The following ARHGAP40 variants were observed in gnomAD, a reference collection of about 807,000 sequenced individuals.
The protein encoded by ARHGAP40 is rho GTPase-activating protein 40.
Under a neutral mutation model 73.5 loss-of-function variants are expected in ARHGAP40, and 43 were observed. That is an observed-to-expected ratio of 0.58 (90% CI 0.46 to 0.75). The LOEUF is 0.75. Ranked by LOEUF, ARHGAP40 falls within the 30% of genes least tolerant of loss-of-function variation. The probability of loss-of-function intolerance (pLI) is 0.00; values close to 1 mark genes in which losing one functional copy is unlikely to be tolerated. For missense variants in ARHGAP40, 734 were observed against 861.8 expected (o/e 0.85, Z 1.86); for synonymous variants, 300 against 352.8 (o/e 0.85, Z 1.68).
intron 1 of ARHGAP40, among the ~76,000 whole-genome samples, chr20:38,621,883 T>C (rs2088875563): frequency 6.6e-6 from 1 of 152,032 alleles, no homozygotes; most frequent in Non-Finnish European, 1.5e-5. Context: ...GCAAAAACCC[T>C]GTCTCTACAA....
At chr20:38,648,772 C>A in intron 14 of ARHGAP40, 74 bp downstream of exon 14, 1 of 1,226,352 alleles carries the variant, frequency 8.2e-7, no homozygotes, top group Non-Finnish European at 1.1e-6. Flanking sequence ...GCTCACTGGG[C>A]CCTTCTGTGG....
chr20:38,636,919 C>A (rs1321840344), intron 6 of ARHGAP40, among the ~76,000 whole-genome samples: 2 of 151,982 alleles, frequency 1.3e-5, no homozygotes, highest in African/African-American at 4.8e-5. Context: ...AGGAATCTAG[C>A]AGAGGTGGGG....
At chr20:38,639,529 G>A in intron 9 of ARHGAP40, 143 bp downstream of exon 9, 2 of 1,020,414 alleles carry the variant, frequency 2.0e-6, no homozygotes, top group Non-Finnish European at 2.6e-6. Context: ...GGGGGAAGAA[G>A]CAAGTGTGAA....
At position 38,634,775 on chromosome 20, in the gene ARHGAP40, G is replaced by A. The variant is rs1482079865; in HGVS notation, c.939G>A (p.Trp313Ter). Residue 313 changes from tryptophan (W) to a stop codon, truncating the protein, a stop_gained, in exon 6 of 15, where the codon TGG becomes TGA. Coordinates refer to ENST00000373345, the Ensembl canonical transcript of ARHGAP40. LOFTEE classifies it high-confidence loss of function. ...TGAAGAGGAGCAAGGCGGGGAAGTGGAAAGCGGCAGGTGAGCAGCCCCAGC... is the reference window on the plus strand; with the variant it reads ...TGAAGAGGAGCAAGGCGGGGAAGTGAAAAGCGGCAGGTGAGCAGCCCCAGC... 7.8e-7 allele frequency: 1 copy of A among 1,285,594 alleles called. No homozygotes were observed. The highest frequency in any genetic ancestry group is 2.4e-5 in the Admixed American group (1 of 41,918). 79.6% of individuals were successfully genotyped at this position (1,285,594 alleles called of 1,614,324 possible). A position where few individuals can be genotyped will look rare whatever the true frequency, so the allele number is the denominator to read the frequency against.
chr20:38,641,676 A>C, intron 9 of ARHGAP40, 50 bp from the exon 10 acceptor site: 2 of 1,220,744 alleles, frequency 1.6e-6, no homozygotes, highest in Non-Finnish European at 2.2e-6. Context: ...AGACTGAGGG[A>C]GGGAGTCCCT....
At position 38,623,590 on chromosome 20, in the gene ARHGAP40, G is replaced by A. The variant is rs75568666; in HGVS notation, c.337+32G>A. On this transcript the variant is annotated intron_variant, in intron 2 of 14. Transcript: ENST00000373345. ...GACCCTGGCGGGGGCCTATAGGGGT[G>A]GTGGGAGGGCTTGATTCCAGGCAGA... 2,155 of 1,257,588 alleles carry A rather than the reference G, an allele frequency of 1.7e-3. 28 individuals carry two copies. In the African/African-American group the frequency reaches 0.031, roughly 18 times the overall value. 77.9% of individuals were successfully genotyped at this position (1,257,588 alleles called of 1,614,324 possible).
intron 9 of ARHGAP40, among the ~76,000 whole-genome samples, chr20:38,640,778 C>T (rs1192525770): frequency 6.6e-6 from 1 of 152,180 alleles, no homozygotes; most frequent in Non-Finnish European, 1.5e-5. Flanking sequence ...AACCTCCCTC[C>T]ACCCTCATTT....
intron 1 of ARHGAP40, among the ~76,000 whole-genome samples, chr20:38,610,194 C>T (rs1036050075): frequency 1.3e-5 from 2 of 151,976 alleles, no homozygotes; most frequent in African/African-American, 2.4e-5. Context: ...TGTGGTTCTC[C>T]GGAGAGAGGA....
chr20:38,640,224 T>TC (rs1381515247), intron 9 of ARHGAP40, among the ~76,000 whole-genome samples: 4 of 150,802 alleles, frequency 2.7e-5, no homozygotes, highest in African/African-American at 9.7e-5. Context: ...CTTTCTTTTT[T>TC]TTTTTTTTTA....
intron 1 of ARHGAP40, among the ~76,000 whole-genome samples, chr20:38,602,501 G>T (rs559834559): frequency 1.3e-5 from 2 of 152,222 alleles, no homozygotes; most frequent in South Asian, 4.2e-4. Flanking sequence ...GCTGAGAACT[G>T]GTCACCCCTT....
chr20:38,636,038 G>A (rs894363132), intron 6 of ARHGAP40, among the ~76,000 whole-genome samples: 3 of 152,050 alleles, frequency 2.0e-5, no homozygotes, highest in Admixed American at 6.6e-5. Flanking sequence ...AAACTGTACC[G>A]CATTTTAAGC....
At chr20:38,621,594 T>C (rs550822150) in intron 1 of ARHGAP40, among the ~76,000 whole-genome samples, 2 of 152,280 alleles carry the variant, frequency 1.3e-5, no homozygotes, top group East Asian at 1.9e-4. Context: ...TTAGGTTAAA[T>C]ATGCCTGGGG....
chr20:38,647,997 A>G (rs1444406979), intron 13 of ARHGAP40, among the ~76,000 whole-genome samples: 1 of 152,198 alleles, frequency 6.6e-6, no homozygotes, highest in African/African-American at 2.4e-5. Flanking sequence ...GCTGATGTGC[A>G]GCCATCATTC....
chr20:38,611,969 C>T (rs1432111328), intron 1 of ARHGAP40, among the ~76,000 whole-genome samples: 2 of 152,038 alleles, frequency 1.3e-5, no homozygotes, highest in Admixed American at 6.6e-5. Context: ...GATGATCCTC[C>T]TGCCTCAGCC....
rs200630417 is a variant in ARHGAP40, at chr20:38,617,579, ACCTAG to A, written c.138-5779_138-5775del. Among the ~76,000 whole-genome samples, 1,482 of 152,242 alleles carry A rather than the reference ACCTAG, an allele frequency of 9.7e-3. 19 individuals carry two copies. The highest frequency in any genetic ancestry group is 0.033 in the African/African-American group (1,384 of 41,542). On this transcript the variant is annotated intron_variant, in intron 1 of 14. Transcript: ENST00000373345. ...TAGGACCTGCCTCATCTTTCAGGCCACCTAGGGGGAAAGTTCATGTGTGTGGAGAG... is the reference window on the plus strand; with the variant it reads ...TAGGACCTGCCTCATCTTTCAGGCCAGGGGAAAGTTCATGTGTGTGGAGAG...
chr20:38,603,759 T>A (rs1262437269), intron 1 of ARHGAP40, among the ~76,000 whole-genome samples: 1 of 152,194 alleles, frequency 6.6e-6, no homozygotes, highest in Non-Finnish European at 1.5e-5. Context: ...GCTCTAGCAA[T>A]CTGTTTCCTT....
intron 11 of ARHGAP40, 48 bp from the exon 12 acceptor site, chr20:38,645,999 C>A (rs2089049839): frequency 8.0e-7 from 1 of 1,254,648 alleles, no homozygotes. Flanking sequence ...CTGCCTCTCG[C>A]CCCCAGAAGT....
intron 1 of ARHGAP40, among the ~76,000 whole-genome samples, chr20:38,621,347 T>C (rs892074098): frequency 6.9e-4 from 105 of 152,330 alleles, no homozygotes; most frequent in African/African-American, 2.3e-3. Context: ...GATGGTATTA[T>C]TTGTGATATT....
At chr20:38,642,576 TCCTCTCTCCCTC>T (rs1229847214) in intron 10 of ARHGAP40, among the ~76,000 whole-genome samples, 1 of 151,992 alleles carries the variant, frequency 6.6e-6, no homozygotes, top group African/African-American at 2.4e-5. Context: ...TCTTTTCCTA[TCCTCTCTCCCTC>T]CCTCTCTCCC....
Sources: allele counts gnomAD v4.1 joint callset (sites outside exome capture counted in the v4.1 genomes callset), GRCh38; gene constraint gnomAD v4.1.1; transcripts MANE v1.5; gene names NCBI Gene and HGNC (gene_info 2026-07-23, HGNC 2026-07-21).